TNFRSF19: variants seen among roughly 807,000 people sequenced by gnomAD.
TNFRSF19 encodes the protein tumor necrosis factor receptor superfamily member 19.
Under a neutral mutation model 46.4 loss-of-function variants are expected in TNFRSF19, and 27 were observed. That is an observed-to-expected ratio of 0.58 (90% CI 0.43 to 0.80). TNFRSF19 has a LOEUF of 0.80. TNFRSF19 is among the 30% of genes least tolerant of loss of function. TNFRSF19 has a pLI of 0.00. For synonymous variants in TNFRSF19, 204 were observed against 205.0 expected (o/e 1.00, Z 0.04); for missense variants, 511 against 530.8 (o/e 0.96, Z 0.37).
intron 1 of TNFRSF19, chr13:23,579,330 C>T (rs1173504420): frequency 6.6e-6 from 1 of 152,544 alleles, no homozygotes; most frequent in African/African-American, 2.4e-5. Flanking sequence ...GAGCGGGGCT[C>T]CTAGTGGGCG....
chr13:23,599,416 C>T (rs1879967915), intron 3 of TNFRSF19, among the ~76,000 whole-genome samples: 4 of 152,234 alleles, frequency 2.6e-5, no homozygotes, highest in Middle Eastern at 6.8e-3. Flanking sequence ...GAGATCCTGA[C>T]AGCATGTGTC....
chr13:23,654,875 G>C (rs3794346), intron 5 of TNFRSF19, among the ~76,000 whole-genome samples: 7 of 152,134 alleles, frequency 4.6e-5, no homozygotes, highest in African/African-American at 1.7e-4. Flanking sequence ...CACTGAAGGT[G>C]TGTTAGAAGC....
intron 7 of TNFRSF19, among the ~76,000 whole-genome samples, chr13:23,666,746 C>T (rs557391130): frequency 9.9e-5 from 15 of 152,238 alleles, no homozygotes; most frequent in African/African-American, 2.6e-4. Context: ...TAAACCCTGG[C>T]GAGTTCAGCG....
Position 23,590,263 on chromosome 13 carries a change from TC to T in TNFRSF19, c.69+13del, listed in dbSNP as rs1328137644. 6.5e-7 allele frequency: 1 copy of T among 1,533,170 alleles called. No individual in the cohort carries two copies. The highest frequency in any genetic ancestry group is 8.9e-7 in the Non-Finnish European group (1 of 1,124,666). 95.0% of individuals were successfully genotyped at this position (1,533,170 alleles called of 1,614,324 possible). ...TTACTAGGCTATTTGGTAAGTAAAG[TC>T]CTTTTTTCTTTCATAAGAATGTGGT... is the stretch of plus-strand genomic sequence containing the variant. On this transcript the variant is annotated intron_variant, in intron 2 of 9. Coordinates refer to ENST00000248484, the MANE Select transcript of TNFRSF19 (RefSeq NM_148957.4).
intron 3 of TNFRSF19, among the ~76,000 whole-genome samples, chr13:23,601,305 C>T (rs1316071456): frequency 6.6e-6 from 1 of 152,112 alleles, no homozygotes; most frequent in South Asian, 2.1e-4. Flanking sequence ...GACTTTTACT[C>T]AGAAATCATG....
chr13:23,640,377 A>T (rs1202343116), intron 5 of TNFRSF19, among the ~76,000 whole-genome samples: 1 of 152,188 alleles, frequency 6.6e-6, no homozygotes, highest in Non-Finnish European at 1.5e-5. Context: ...TTTCTGTGTA[A>T]CTTCATGCTG....
rs992252769 is a variant in TNFRSF19, at chr13:23,674,752, C to T, written c.*1372C>T. The T allele has an allele frequency of 2.6e-5, 4 of 152,126 alleles. No individual in the cohort carries two copies. Among genetic ancestry groups the T allele is most frequent in the African/African-American group, 4.8e-5 (2 of 41,422 alleles). The allele number at this position is 152,126 out of a possible 1,614,324, so 9.4% of individuals were successfully genotyped here. A position where few individuals can be genotyped will look rare whatever the true frequency, so the allele number is the denominator to read the frequency against. On this transcript the variant is annotated 3_prime_UTR_variant, in exon 10 of 10. Transcript: ENST00000248484. ...CTATGATATTTTGGTTTGGAATTGC[C>T]CTGCCCAAGTCACTGTCTTTTAACT...
At chr13:23,580,834 A>G (rs1878358093) in intron 1 of TNFRSF19, among the ~76,000 whole-genome samples, 1 of 152,260 alleles carries the variant, frequency 6.6e-6, no homozygotes, top group East Asian at 1.9e-4. Context: ...TGCATGAAGC[A>G]TTATCATGAG....
chr13:23,655,302 T>A (rs376995175), intron 5 of TNFRSF19, among the ~76,000 whole-genome samples: 5 of 152,120 alleles, frequency 3.3e-5, no homozygotes, highest in Admixed American at 6.5e-5. Flanking sequence ...CCATGTAATG[T>A]AGGTAAAATT....
At chr13:23,640,752 T>C (rs940559990) in intron 5 of TNFRSF19, among the ~76,000 whole-genome samples, 2 of 152,230 alleles carry the variant, frequency 1.3e-5, no homozygotes, top group African/African-American at 4.8e-5. Flanking sequence ...CCAGCCTTTG[T>C]TTCCTGCCAT....
intron 1 of TNFRSF19, among the ~76,000 whole-genome samples, chr13:23,582,281 G>A (rs1405454762): frequency 6.7e-6 from 1 of 150,054 alleles, no homozygotes; most frequent in Non-Finnish European, 1.5e-5. Flanking sequence ...GGCGCCTGTA[G>A]TCCCAGCTAC....
chr13:23,618,056 A>G (rs1305106593), intron 4 of TNFRSF19, among the ~76,000 whole-genome samples: 1 of 152,220 alleles, frequency 6.6e-6, no homozygotes, highest in African/African-American at 2.4e-5. Flanking sequence ...GTGGTCATAT[A>G]CAGAGACCCA....
rs751349163 is a variant in TNFRSF19 at position 23,660,466 on chromosome 13, C to T, written c.712C>T (p.Arg238Cys). 1.5e-5 allele frequency: 25 copies of T among 1,613,316 alleles called. No homozygotes were observed. The highest frequency in any genetic ancestry group is 6.6e-5 in the South Asian group (6 of 91,038). ...TGCCCACAGAGCCTGCTGCCAGTGC[C>T]GCCGTGACTCAGTGCAGACCTGCGG... ...EYAHRACCQC[R>C]RDSVQTCGPV... The change falls in exon 7 of 10, where the codon CGC (arginine) becomes TGC (cysteine). Residue 238 changes from arginine (R) to cysteine (C), a missense_variant. Around this residue, in one of 3 missense-constraint regions of TNFRSF19, gnomAD observed 376 missense variants for 372.7 expected, o/e 1.01. Transcript: ENST00000248484.
At chr13:23,672,687 G>A (rs1951776346) in intron 9 of TNFRSF19, among the ~76,000 whole-genome samples, 1 of 152,170 alleles carries the variant, frequency 6.6e-6, no homozygotes, top group South Asian at 2.1e-4. Context: ...TGCCAAATTA[G>A]TGGTAAGTTA....
At chr13:23,607,102 C>T (rs11838704) in intron 3 of TNFRSF19, among the ~76,000 whole-genome samples, 17,263 of 150,148 alleles carry the variant, frequency 0.11, 1,097 homozygotes, top group East Asian at 0.18. Flanking sequence ...CAGACAACTA[C>T]GTTTATAAAT....
At chr13:23,588,616 T>A (rs978487840) in intron 1 of TNFRSF19, among the ~76,000 whole-genome samples, 1 of 152,218 alleles carries the variant, frequency 6.6e-6, no homozygotes, top group African/African-American at 2.4e-5. Flanking sequence ...AATTACACAT[T>A]TTTTGCTTTT....
chr13:23,666,065 G>A (rs1401777952), intron 7 of TNFRSF19, among the ~76,000 whole-genome samples: 2 of 152,160 alleles, frequency 1.3e-5, no homozygotes, highest in Admixed American at 6.5e-5. Context: ...ATACTGCTGA[G>A]GGGATGCTGA....
At chr13:23,622,187 C>T (rs1054207271) in intron 4 of TNFRSF19, among the ~76,000 whole-genome samples, 5 of 152,104 alleles carry the variant, frequency 3.3e-5, no homozygotes, top group Admixed American at 6.5e-5. Flanking sequence ...GTAGATCACA[C>T]GGTCGGGAGT....
intron 3 of TNFRSF19, among the ~76,000 whole-genome samples, chr13:23,601,122 G>A (rs1462626276): frequency 6.6e-6 from 1 of 152,076 alleles, no homozygotes; most frequent in Non-Finnish European, 1.5e-5. Context: ...GTTAATGCCA[G>A]ACACCAAACT....
Sources: allele counts gnomAD v4.1 joint callset (sites outside exome capture counted in the v4.1 genomes callset), GRCh38; gene constraint gnomAD v4.1.1; regional missense constraint gnomAD v4.1.1; transcripts MANE v1.5; gene names NCBI Gene and HGNC (gene_info 2026-07-23, HGNC 2026-07-21).